The following CNTNAP2 variants were observed in gnomAD, a reference collection of about 807,000 sequenced individuals.
The protein encoded by CNTNAP2 is contactin-associated protein-like 2.
CNTNAP2 carries 98 observed loss-of-function variants against 155.2 expected under a neutral mutation model. The observed-to-expected ratio is 0.63, with a 90% CI of 0.54 to 0.75. CNTNAP2 has a LOEUF of 0.75. CNTNAP2 is among the 30% of genes least tolerant of loss of function. The probability of loss-of-function intolerance (pLI) is 0.00; values close to 1 mark genes in which losing one functional copy is unlikely to be tolerated. For synonymous variants in CNTNAP2, 651 were observed against 631.2 expected (o/e 1.03, Z -0.47); for missense variants, 1,727 against 1,688.1 (o/e 1.02, Z -0.40).
chr7:148,222,611 C>G (rs1795772214), intron 19 of CNTNAP2, among the ~76,000 whole-genome samples: 1 of 151,914 alleles, frequency 6.6e-6, no homozygotes, highest in Non-Finnish European at 1.5e-5. Flanking sequence ...CCTCATGATC[C>G]AATCACCTCT....
chr7:147,430,695 A>T (rs1296576975), intron 10 of CNTNAP2, among the ~76,000 whole-genome samples: 1 of 152,180 alleles, frequency 6.6e-6, no homozygotes, highest in Non-Finnish European at 1.5e-5. Context: ...GATGAGTCCA[A>T]CTAGGACACA....
chr7:146,933,955 G>T lies in CNTNAP2; in HGVS notation c.402+94051G>T, dbSNP rs970805649. ...GTCAGGAAACAACAGGTGCTGGAGA[G>T]GATGTGGAGAAATAGGAACACTTTT... On this transcript the variant is annotated intron_variant, in intron 3 of 23. Transcript: ENST00000361727. Among the ~76,000 whole-genome samples, 6 of 152,090 alleles carry T rather than the reference G, an allele frequency of 3.9e-5. No individual in the cohort carries two copies. The South Asian group carries it at 8.3e-4, about 21-fold the overall frequency.
intron 1 of CNTNAP2, among the ~76,000 whole-genome samples, chr7:146,439,343 A>G (rs1286908576): frequency 9.8e-4 from 2 of 2,050 alleles, no homozygotes; most frequent in African/African-American, 0.01. Context: ...CTTTGACATG[A>G]AAACATTTCT....
chr7:148,384,817 CA>C (rs1799154183), intron 22 of CNTNAP2, among the ~76,000 whole-genome samples: 1 of 152,196 alleles, frequency 6.6e-6, no homozygotes, highest in African/African-American at 2.4e-5. Flanking sequence ...CCTCATTCCT[CA>C]GTTTCCCCAC....
rs574483884 is a variant in CNTNAP2 at position 146,821,113 on chromosome 7, T to A, written c.209-18598T>A. Among the ~76,000 whole-genome samples the A allele has an allele frequency of 4.6e-5, 7 of 152,314 alleles. No homozygotes were observed. The East Asian group carries it at 1.2e-3, about 25-fold the overall frequency. On this transcript the variant is annotated intron_variant, in intron 2 of 23. Coordinates refer to ENST00000361727, the MANE Select transcript of CNTNAP2 (RefSeq NM_014141.6). ...AGCACACTGATGGGTCTTGACTCTT[T>A]ATCCAATTTGCCAGTCTGTGTCTTT...
chr7:148,102,487 C>A (rs1378660995), intron 15 of CNTNAP2, among the ~76,000 whole-genome samples: 1 of 152,140 alleles, frequency 6.6e-6, no homozygotes, highest in Non-Finnish European at 1.5e-5. Context: ...TGGATATATA[C>A]CCAGTAATGG....
chr7:147,874,224 C>G (rs1788487019), intron 13 of CNTNAP2, among the ~76,000 whole-genome samples: 1 of 152,216 alleles, frequency 6.6e-6, no homozygotes, highest in African/African-American at 2.4e-5. Flanking sequence ...CCAGTGGGAA[C>G]TCTGTGTGGG....
chr7:147,615,091 C>A (rs367706048), intron 12 of CNTNAP2, among the ~76,000 whole-genome samples: 35 of 123,058 alleles, frequency 2.8e-4, no homozygotes, highest in South Asian at 5.4e-4. Flanking sequence ...CCATCTTTAT[C>A]AAAAAAAAAA....
At chr7:146,979,068 T>C (rs1253057922) in intron 3 of CNTNAP2, among the ~76,000 whole-genome samples, 1 of 152,212 alleles carries the variant, frequency 6.6e-6, no homozygotes, top group Non-Finnish European at 1.5e-5. Context: ...GTCCCATGTT[T>C]AGCAAAGTGA....
At chr7:147,628,868 T>TTAA (rs369891480) in intron 12 of CNTNAP2, among the ~76,000 whole-genome samples, 2 of 117,190 alleles carry the variant, frequency 1.7e-5, no homozygotes, top group Non-Finnish European at 3.7e-5. Context: ...CAACAGCAGT[T>TTAA]AAAAAAAAAA....
intron 15 of CNTNAP2, among the ~76,000 whole-genome samples, chr7:148,103,191 G>A (rs1218632927): frequency 6.7e-6 from 1 of 149,158 alleles, no homozygotes; most frequent in African/African-American, 2.5e-5. Context: ...TATTCCTTGT[G>A]AGGGAGGTAT....
chr7:147,329,379 T>G (rs1240265643), intron 9 of CNTNAP2, among the ~76,000 whole-genome samples: 3 of 151,996 alleles, frequency 2.0e-5, no homozygotes, highest in Admixed American at 6.6e-5. Flanking sequence ...TAATTATACA[T>G]TCTTGTAATT....
chr7:146,562,947 A>G (rs577671310), intron 1 of CNTNAP2, among the ~76,000 whole-genome samples: 3 of 152,288 alleles, frequency 2.0e-5, no homozygotes, highest in Non-Finnish European at 4.4e-5. Context: ...TAGGTTTTGT[A>G]TATATAGAAT....
At chr7:148,151,467 G>A (rs1444134251) in intron 17 of CNTNAP2, among the ~76,000 whole-genome samples, 3 of 151,814 alleles carry the variant, frequency 2.0e-5, no homozygotes, top group African/African-American at 7.3e-5. Flanking sequence ...CACCGTGACT[G>A]GCTAATTTTG....
chr7:146,239,802 T>C (rs1291010769), intron 1 of CNTNAP2, among the ~76,000 whole-genome samples: 2 of 152,190 alleles, frequency 1.3e-5, no homozygotes, highest in African/African-American at 4.8e-5. Context: ...GAAAACCAAA[T>C]CACAAACTGA....
At chr7:146,196,769 G>A (rs576865136) in intron 1 of CNTNAP2, among the ~76,000 whole-genome samples, 1 of 152,040 alleles carries the variant, frequency 6.6e-6, no homozygotes, top group Non-Finnish European at 1.5e-5. Flanking sequence ...CACATAGAAA[G>A]AAACATATGC....
At chr7:147,335,228 G>A (rs763351964) in intron 9 of CNTNAP2, among the ~76,000 whole-genome samples, 19 of 152,134 alleles carry the variant, frequency 1.2e-4, no homozygotes, top group South Asian at 4.1e-4. Flanking sequence ...AAGGACTCAT[G>A]CTGAGTTAAT....
chr7:146,563,758 C>T (rs1335598496), intron 1 of CNTNAP2, among the ~76,000 whole-genome samples: 5 of 152,124 alleles, frequency 3.3e-5, no homozygotes, highest in Non-Finnish European at 7.4e-5. Context: ...GGTTACACCA[C>T]TTTGCCCTTC....
At chr7:147,654,850 G>T (rs1482279736) in intron 13 of CNTNAP2, among the ~76,000 whole-genome samples, 1 of 109,998 alleles carries the variant, frequency 9.1e-6, no homozygotes, top group African/African-American at 3.7e-5. Context: ...GTCTCACTCT[G>T]TCGCCCAGGC....
Sources: allele counts gnomAD v4.1 joint callset (sites outside exome capture counted in the v4.1 genomes callset), GRCh38; gene constraint gnomAD v4.1.1; transcripts MANE v1.5; gene names NCBI Gene and HGNC (gene_info 2026-07-23, HGNC 2026-07-21).